PLD5: variants seen among roughly 807,000 people sequenced by gnomAD.
The protein encoded by PLD5 is inactive phospholipase D5.
A neutral mutation model predicts 61.1 loss-of-function variants in PLD5; 36 were observed. The ratio of observed to expected loss-of-function variants is 0.59; its 90% CI spans 0.45 to 0.78. The LOEUF (loss-of-function observed/expected upper bound fraction) is 0.78, where lower values mean the gene tolerates loss of function less well. PLD5 is among the 30% of genes least tolerant of loss of function. The pLI is 0.00. For missense variants in PLD5, 515 were observed against 644.4 expected, an observed-to-expected ratio of 0.80 and a Z score of 2.17; for synonymous variants, 243 against 242.8, an observed-to-expected ratio of 1.00 and a Z score of -0.01.
intron 5 of PLD5, among the ~76,000 whole-genome samples, chr1:242,169,267 C>G (rs1666563425): frequency 6.6e-6 from 1 of 152,126 alleles, no homozygotes; most frequent in Non-Finnish European, 1.5e-5. Context: ...AATGGTTGGA[C>G]AGTGAGTGCA....
At chr1:242,194,665 T>TCTAC (rs1186304124) in intron 5 of PLD5, among the ~76,000 whole-genome samples, 12 of 148,496 alleles carry the variant, frequency 8.1e-5, no homozygotes, top group East Asian at 5.9e-4. Context: ...TATCTATCTA[T>TCTAC]CTACCTATCT....
chr1:242,140,135 A>G (rs1420569577), intron 5 of PLD5, among the ~76,000 whole-genome samples: 1 of 152,180 alleles, frequency 6.6e-6, no homozygotes, highest in Non-Finnish European at 1.5e-5. Context: ...CATGAGGACC[A>G]ATGTTTGACT....
At chr1:242,232,636 A>G (rs1024146138) in intron 4 of PLD5, among the ~76,000 whole-genome samples, 4 of 152,144 alleles carry the variant, frequency 2.6e-5, no homozygotes, top group Non-Finnish European at 5.9e-5. Context: ...TGAGGTCAGG[A>G]GTTCGAGACT....
At chr1:242,439,047 A>G (rs182879630) in intron 1 of PLD5, among the ~76,000 whole-genome samples, 1 of 152,114 alleles carries the variant, frequency 6.6e-6, no homozygotes, top group Admixed American at 6.5e-5. Flanking sequence ...ATGTTTGTTT[A>G]CATGTTTATT....
At chr1:242,227,137 A>C (rs1422883659) in intron 4 of PLD5, among the ~76,000 whole-genome samples, 1 of 152,126 alleles carries the variant, frequency 6.6e-6, no homozygotes, top group East Asian at 1.9e-4. Context: ...AGAGTTAGTA[A>C]CTATCTCATC....
intron 5 of PLD5, among the ~76,000 whole-genome samples, chr1:242,162,641 G>C (rs1194623124): frequency 6.6e-6 from 1 of 152,174 alleles, no homozygotes; most frequent in African/African-American, 2.4e-5. Flanking sequence ...CTGTATGTGT[G>C]GTTGAGTATT....
rs1401201780 is a variant in PLD5, at chr1:242,484,430, C to T, written c.189+39658G>A. Reference sequence around the variant, plus strand: ...CTACCATCAGAGAATACTATAAACACCTCTATGCAAATAAACTAGAAAATC... The same window carrying T: ...CTACCATCAGAGAATACTATAAACATCTCTATGCAAATAAACTAGAAAATC... On this transcript the variant is annotated intron_variant, in intron 1 of 9. Coordinates refer to ENST00000536534, the MANE Select transcript of PLD5 (RefSeq NM_001372062.1). 7.9e-5 allele frequency among the ~76,000 whole-genome samples: 12 copies of T among 152,270 alleles called. No individual in the cohort carries two copies. The East Asian group carries it at 9.7e-4, about 12-fold the overall frequency.
At chr1:242,267,086 C>T (rs1196035501) in intron 3 of PLD5, among the ~76,000 whole-genome samples, 1 of 150,184 alleles carries the variant, frequency 6.7e-6, no homozygotes, top group Non-Finnish European at 1.5e-5. Flanking sequence ...CACTGAACTC[C>T]AGCCTGGGCG....
At chr1:242,390,306 C>T (rs747855981) in intron 1 of PLD5, among the ~76,000 whole-genome samples, 1 of 152,166 alleles carries the variant, frequency 6.6e-6, no homozygotes, top group Non-Finnish European at 1.5e-5. Flanking sequence ...AAAGCTCCTT[C>T]TTAGGGTAAC....
chr1:242,298,872 G>A (rs1341648273), intron 2 of PLD5, among the ~76,000 whole-genome samples: 1 of 151,852 alleles, frequency 6.6e-6, no homozygotes, highest in African/African-American at 2.4e-5. Flanking sequence ...ACTTGAGGAG[G>A]ATGAAGACAA....
intron 1 of PLD5, among the ~76,000 whole-genome samples, chr1:242,501,343 G>A (rs1326584375): frequency 6.6e-6 from 1 of 152,224 alleles, no homozygotes; most frequent in Non-Finnish European, 1.5e-5. Context: ...CTGGACTGGA[G>A]CATGTCTGAG....
intron 5 of PLD5, among the ~76,000 whole-genome samples, chr1:242,182,704 A>ATGG (rs568666828): frequency 1.3e-3 from 193 of 152,264 alleles, no homozygotes; most frequent in African/African-American, 4.6e-3. Flanking sequence ...TTAGCCGGGC[A>ATGG]TGGTGGCACA....
At chr1:242,497,515 AG>A (rs985995698) in intron 1 of PLD5, among the ~76,000 whole-genome samples, 7 of 152,200 alleles carry the variant, frequency 4.6e-5, no homozygotes, top group Non-Finnish European at 7.3e-5. Flanking sequence ...AAGACTCCAG[AG>A]GCAATAAAAT....
intron 1 of PLD5, among the ~76,000 whole-genome samples, chr1:242,392,500 A>G (rs2149265599): frequency 6.6e-6 from 1 of 152,280 alleles, no homozygotes; most frequent in Non-Finnish European, 1.5e-5. Flanking sequence ...TCTCCTGCTG[A>G]CCTGGGTTAG....
chr1:242,492,126 A>G (rs1179196792), intron 1 of PLD5, among the ~76,000 whole-genome samples: 3 of 152,160 alleles, frequency 2.0e-5, no homozygotes, highest in African/African-American at 4.8e-5. Context: ...TCTACTGTCA[A>G]TGAACACAGC....
At chr1:242,153,538 G>A (rs1212112644) in intron 5 of PLD5, among the ~76,000 whole-genome samples, 1 of 152,144 alleles carries the variant, frequency 6.6e-6, no homozygotes, top group South Asian at 2.1e-4. Flanking sequence ...TAAGGTGTAA[G>A]GAAGGGGTCC....
chr1:242,469,050 A>AT (rs1358089317), intron 1 of PLD5, among the ~76,000 whole-genome samples: 2 of 152,216 alleles, frequency 1.3e-5, no homozygotes, highest in Non-Finnish European at 2.9e-5. Flanking sequence ...CACTAGACTG[A>AT]TTAGCTGCAA....
rs971137639 is a variant in PLD5 at position 242,232,327 on chromosome 1, T to G, written c.608-12212A>C. On this transcript the variant is annotated intron_variant, in intron 4 of 9. Transcript: ENST00000536534. ...TGGAAAATAGTCTGAAGAAAAAAAT[T>G]TGTATATCTAGCAAATACTGAAGAT... Among the ~76,000 whole-genome samples the G allele has an allele frequency of 2.6e-5, 4 of 152,194 alleles. No individual in the cohort carries two copies. In the East Asian group the frequency reaches 7.7e-4, roughly 29 times the overall value.
At chr1:242,143,283 C>G (rs190972780) in intron 5 of PLD5, among the ~76,000 whole-genome samples, 1 of 151,986 alleles carries the variant, frequency 6.6e-6, no homozygotes, top group East Asian at 1.9e-4. Context: ...GAACTCCTGA[C>G]CTCAAATGAT....
Sources: gnomAD v4.1 joint callset for allele counts (sites outside exome capture counted in the v4.1 genomes callset) on GRCh38, gnomAD v4.1.1 for gene constraint, MANE v1.5 for transcripts, NCBI Gene and HGNC (gene_info 2026-07-23, HGNC 2026-07-21) for gene names.